The following DNAH12 variants were observed in gnomAD, a reference collection of about 807,000 sequenced individuals.
DNAH12 encodes dynein axonemal heavy chain 12.
In DNAH12, 285 loss-of-function variants were observed where a neutral mutation model predicts 371.5. The observed-to-expected ratio is 0.77, with a 90% CI of 0.70 to 0.85. The LOEUF (loss-of-function observed/expected upper bound fraction) is 0.85. DNAH12 is among the 40% of genes least tolerant of loss of function. The pLI, the probability that DNAH12 is intolerant of heterozygous loss-of-function variation, is 0.00. For synonymous variants in DNAH12, 1,200 were observed against 1,213.0 expected, an observed-to-expected ratio of 0.99 and a Z score of 0.22; for missense variants, 3,611 against 3,689.4, an observed-to-expected ratio of 0.98 and a Z score of 0.55.
intron 60 of DNAH12, among the ~76,000 whole-genome samples, chr3:57,337,160 A>G (rs547086420): frequency 6.6e-6 from 1 of 152,312 alleles, no homozygotes; most frequent in East Asian, 1.9e-4. Context: ...AAATAATAAC[A>G]TTATATAATA....
Position 57,352,314 on chromosome 3 carries a change from G to T in DNAH12, c.9534-89C>A, listed in dbSNP as rs1035008632. The stretch of plus-strand genomic sequence containing the variant: ...TTAACATATACACTTTTTATTTTAT[G>T]AAAGTATCACTATTAAAAACGTATA... On this transcript the variant is annotated intron_variant, in intron 59 of 73. Coordinates refer to ENST00000495027, the MANE Select transcript of DNAH12 (RefSeq NM_001366028.2). 6.8e-6 allele frequency: 9 copies of T among 1,331,404 alleles called. No individual in the cohort carries two copies. In the African/African-American group the frequency reaches 1.2e-4, roughly 18 times the overall value. The allele number at this position is 1,331,404 out of a possible 1,614,324, so 82.5% of individuals were successfully genotyped here.
At chr3:57,529,540 C>A (rs1350942042) in intron 2 of DNAH12, among the ~76,000 whole-genome samples, 1 of 152,130 alleles carries the variant, frequency 6.6e-6, no homozygotes, top group Admixed American at 6.5e-5. Flanking sequence ...CTCATCATAG[C>A]CACTAATGAT....
chr3:57,343,592 T>A (rs1400116183), intron 60 of DNAH12, among the ~76,000 whole-genome samples: 4 of 152,176 alleles, frequency 2.6e-5, no homozygotes, highest in African/African-American at 9.7e-5. Context: ...TATGGCCTTG[T>A]GGGATGAGAA....
At chr3:57,424,790 CAA>C (rs66686551) in intron 35 of DNAH12, among the ~76,000 whole-genome samples, 30,138 of 124,908 alleles carry the variant, frequency 0.24, 3,333 homozygotes, top group African/African-American at 0.29. Flanking sequence ...GCCCTGTCTC[CAA>C]AAAAAAAAAA....
At chr3:57,374,022 T>C (rs2063231502) in intron 55 of DNAH12, among the ~76,000 whole-genome samples, 1 of 152,234 alleles carries the variant, frequency 6.6e-6, no homozygotes, top group South Asian at 2.1e-4. Flanking sequence ...CTTATATCTT[T>C]AATTTATCTC....
At chr3:57,328,740 G>A (rs1316969965) in intron 62 of DNAH12, among the ~76,000 whole-genome samples, 1 of 130,884 alleles carries the variant, frequency 7.6e-6, no homozygotes, top group Non-Finnish European at 1.6e-5. Context: ...GAAATAAAGG[G>A]TATTCAATTA....
intron 14 of DNAH12, 99 bp downstream of exon 14, chr3:57,472,447 T>C (rs892233816): frequency 7.0e-7 from 1 of 1,426,876 alleles, no homozygotes; most frequent in Non-Finnish European, 9.4e-7. Context: ...CACACAAAAT[T>C]ACTTTTAAAG....
At chr3:57,427,136 G>A (rs912740352) in intron 34 of DNAH12, among the ~76,000 whole-genome samples, 21 of 137,794 alleles carry the variant, frequency 1.5e-4, no homozygotes, top group African/African-American at 4.5e-4. Flanking sequence ...TGTAAGAAGC[G>A]AATGTGTGTG....
At chr3:57,507,345 T>C (rs1182527416) in intron 8 of DNAH12, among the ~76,000 whole-genome samples, 1 of 152,154 alleles carries the variant, frequency 6.6e-6, no homozygotes, top group African/African-American at 2.4e-5. Flanking sequence ...TTCAAAAATA[T>C]GTTACTAGAA....
chr3:57,447,432 C>T (rs1278997331), intron 25 of DNAH12, among the ~76,000 whole-genome samples: 1 of 152,040 alleles, frequency 6.6e-6, no homozygotes, highest in Non-Finnish European at 1.5e-5. Context: ...TCAAATTTAA[C>T]TTCTTTTAGA....
At chr3:57,403,117 AGGTAAAAGC>A (rs1234866388) in intron 43 of DNAH12, among the ~76,000 whole-genome samples, 183 bp downstream of exon 43, 1 of 152,188 alleles carries the variant, frequency 6.6e-6, no homozygotes, top group Non-Finnish European at 1.5e-5. Flanking sequence ...GAGATCATGT[AGGTAAAAGC>A]GGTAAAAGCT....
At chr3:57,464,968 C>A (rs1012503533) in intron 17 of DNAH12, among the ~76,000 whole-genome samples, 1 of 152,200 alleles carries the variant, frequency 6.6e-6, no homozygotes, top group African/African-American at 2.4e-5. Context: ...TCTTTTCCGT[C>A]CCCTAGAGGG....
At chr3:57,499,673 T>TATATATATATATATACACACACACAC (rs771112538) in intron 11 of DNAH12, among the ~76,000 whole-genome samples, 1 of 44,452 alleles carries the variant, frequency 2.2e-5, no homozygotes, top group Non-Finnish European at 4.2e-5. Flanking sequence ...TATATATATA[T>TATATATATATATATACACACACACAC]ATACTTCTTA....
chr3:57,523,700 T>C (rs1200308085), intron 3 of DNAH12, 91 bp from the exon 4 acceptor site: 54 of 1,270,474 alleles, frequency 4.3e-5, no homozygotes, highest in Non-Finnish European at 5.3e-5. Flanking sequence ...AGTTTAAATA[T>C]ATCTATTATT....
At chr3:57,382,751 A>G (rs2063420516) in intron 49 of DNAH12, among the ~76,000 whole-genome samples, 1 of 152,180 alleles carries the variant, frequency 6.6e-6, no homozygotes, top group South Asian at 2.1e-4. Context: ...ACTTAACTCT[A>G]TATTTGCTTA....
intron 62 of DNAH12, among the ~76,000 whole-genome samples, chr3:57,326,266 C>A (rs1054463859): frequency 5.9e-5 from 9 of 151,786 alleles, no homozygotes; most frequent in Non-Finnish European, 1.0e-4. Context: ...GTCAGATTCA[C>A]CAAAGTTGAA....
intron 60 of DNAH12, among the ~76,000 whole-genome samples, chr3:57,336,321 T>G (rs1450838618): frequency 6.6e-6 from 1 of 152,166 alleles, no homozygotes; most frequent in Non-Finnish European, 1.5e-5. Context: ...AAAGAGATAA[T>G]TTAACTAGCC....
At position 57,446,537 on chromosome 3, in the gene DNAH12, C is replaced by A. The variant is rs757299077; in HGVS notation, c.3939G>T (p.Lys1313Asn). Residue 1313 changes from lysine (K) to asparagine (N), a missense_variant and splice_region_variant, in exon 26 of 74, where the codon AAG becomes AAT. Around this residue, in one of 3 missense-constraint regions of DNAH12, gnomAD observed 2,266 missense variants for 2,236.9 expected, o/e 1.01. Coordinates refer to ENST00000495027, the MANE Select transcript of DNAH12 (RefSeq NM_001366028.2). ...ATTATTGATTCAGCAATTTAACTAC[C>A]TTTCCCATTGCTAGATAATCTAGCC... ...SDGLDYLAMGKFFKGLASSGA... is the reference protein window; with the variant it reads ...SDGLDYLAMGNFFKGLASSGA... 2 of 1,522,460 alleles carry A rather than the reference C, an allele frequency of 1.3e-6. No individual in the cohort carries two copies. Among genetic ancestry groups the A allele is most frequent in the South Asian group, 2.5e-5 (2 of 78,930 alleles). 94.3% of individuals were successfully genotyped at this position (1,522,460 alleles called of 1,614,324 possible).
At chr3:57,510,145 C>A (rs2067933609) in intron 5 of DNAH12, among the ~76,000 whole-genome samples, 1 of 151,580 alleles carries the variant, frequency 6.6e-6, no homozygotes, top group Admixed American at 6.6e-5. Flanking sequence ...AAAGATTATA[C>A]CCCTAATAAA....
Sources: gnomAD v4.1 joint callset for allele counts (sites outside exome capture counted in the v4.1 genomes callset) on GRCh38, gnomAD v4.1.1 for gene constraint, gnomAD v4.1.1 regional missense constraint, MANE v1.5 for transcripts, NCBI Gene and HGNC (gene_info 2026-07-23, HGNC 2026-07-21) for gene names.